The following ELOVL5 variants were observed in gnomAD, a reference collection of about 807,000 sequenced individuals.
The protein encoded by ELOVL5 is ELOVL fatty acid elongase 5.
ELOVL5 carries 8 observed loss-of-function variants against 38.6 expected under a neutral mutation model. The ratio of observed to expected loss-of-function variants is 0.21; its 90% confidence interval spans 0.12 to 0.37. The LOEUF is 0.37. Among genes scored for constraint, ELOVL5 ranks in the 10% least tolerant of loss-of-function variants. The pLI is 1.00. For synonymous variants in ELOVL5, 127 were observed against 133.7 expected (o/e 0.95, Z 0.34); for missense variants, 280 against 367.8 (o/e 0.76, Z 1.95).
intron 1 of ELOVL5, among the ~76,000 whole-genome samples, chr6:53,302,178 G>A (rs1212578513): frequency 6.6e-6 from 1 of 152,174 alleles, no homozygotes; most frequent in African/African-American, 2.4e-5. Context: ...AAGCCCTAAA[G>A]AGAGTCCTGC....
At chr6:53,286,068 C>A (rs1362966507) in intron 3 of ELOVL5, among the ~76,000 whole-genome samples, 5 of 152,128 alleles carry the variant, frequency 3.3e-5, no homozygotes, top group African/African-American at 1.2e-4. Flanking sequence ...TGATCTGCAA[C>A]TAATGCTGCA....
intron 3 of ELOVL5, among the ~76,000 whole-genome samples, chr6:53,289,016 T>C (rs962444896): frequency 5.9e-5 from 9 of 152,194 alleles, no homozygotes; most frequent in Non-Finnish European, 1.0e-4. Context: ...TGAGCACCAC[T>C]GCACTCCAGC....
chr6:53,302,180 G>A (rs1334734649), intron 1 of ELOVL5, among the ~76,000 whole-genome samples: 3 of 152,186 alleles, frequency 2.0e-5, no homozygotes, highest in African/African-American at 7.2e-5. Flanking sequence ...GCCCTAAAGA[G>A]AGTCCTGCTC....
At position 53,295,651 on chromosome 6, in the gene ELOVL5, C is replaced by G. The variant is rs1766962763; in HGVS notation, c.49G>C (p.Gly17Arg). ...CCAAAAACCACCTTACCTCGAGGGC[C>G]TAGCAATGCCTTGAAATAGGTACTA... ...SLSTYFKALL[G>R]PRDTRVKGWF... The change falls in exon 2 of 8, where the codon GGC (glycine) becomes CGC (arginine). Residue 17 changes from glycine (G) to arginine (R), a missense_variant. Gly to Arg is a moderately radical substitution (Grantham distance 125, BLOSUM62 -2). Around this residue, in one of 3 missense-constraint regions of ELOVL5, gnomAD observed 150 missense variants for 178.0 expected, o/e 0.84. Transcript: ENST00000304434. 6.2e-7 allele frequency: 1 copy of G among 1,601,322 alleles called. No homozygotes were observed.
At chr6:53,283,764 G>A (rs1766454592) in intron 3 of ELOVL5, among the ~76,000 whole-genome samples, 1 of 152,200 alleles carries the variant, frequency 6.6e-6, no homozygotes, top group African/African-American at 2.4e-5. Flanking sequence ...GACCACAGCA[G>A]ACTTCTCTGG....
chr6:53,313,494 T>C (rs1274297465), intron 1 of ELOVL5, among the ~76,000 whole-genome samples: 2 of 151,844 alleles, frequency 1.3e-5, no homozygotes, highest in African/African-American at 4.8e-5. Flanking sequence ...CTGAGTAGCT[T>C]GGGACTACAG....
intron 1 of ELOVL5, among the ~76,000 whole-genome samples, chr6:53,297,813 G>A (rs1767073224): frequency 6.6e-6 from 1 of 152,026 alleles, no homozygotes; most frequent in Non-Finnish European, 1.5e-5. Context: ...ATATTCCTAA[G>A]AAAGGCAATT....
chr6:53,307,150 A>G (rs1767613376), intron 1 of ELOVL5, among the ~76,000 whole-genome samples: 1 of 152,252 alleles, frequency 6.6e-6, no homozygotes, highest in South Asian at 2.1e-4. Flanking sequence ...GTCAAGCAGT[A>G]TTGCTTGTGA....
At chr6:53,310,552 T>C (rs1767787833) in intron 1 of ELOVL5, among the ~76,000 whole-genome samples, 1 of 152,194 alleles carries the variant, frequency 6.6e-6, no homozygotes, top group African/African-American at 2.4e-5. Context: ...CTTAAATTTG[T>C]AGTTGGTCCA....
intron 2 of ELOVL5, among the ~76,000 whole-genome samples, chr6:53,293,417 AAGCGATTCTCCTGCCTT>A (rs1766850846): frequency 6.6e-6 from 1 of 152,182 alleles, no homozygotes; most frequent in Non-Finnish European, 1.5e-5. Flanking sequence ...TCTAGGGTCC[AAGCGATTCTCCTGCCTT>A]AGCCTCCAGA....
At chr6:53,329,225 C>A (rs948249906) in intron 1 of ELOVL5, among the ~76,000 whole-genome samples, 1 of 151,840 alleles carries the variant, frequency 6.6e-6, no homozygotes, top group Non-Finnish European at 1.5e-5. Flanking sequence ...ACTGCTACTA[C>A]GAGATTACTT....
intron 4 of ELOVL5, among the ~76,000 whole-genome samples, chr6:53,275,625 GA>G (rs1766082051): frequency 6.7e-6 from 1 of 148,828 alleles, no homozygotes; most frequent in Non-Finnish European, 1.5e-5. Flanking sequence ...AAAACCATCT[GA>G]AAAACGCTAT....
intron 1 of ELOVL5, among the ~76,000 whole-genome samples, chr6:53,337,996 G>A (rs1581999033): frequency 6.6e-6 from 1 of 152,134 alleles, no homozygotes. Flanking sequence ...TCCTGACTAC[G>A]TTGGCCAACA....
At chr6:53,330,556 T>C (rs1314610241) in intron 1 of ELOVL5, among the ~76,000 whole-genome samples, 1 of 144,602 alleles carries the variant, frequency 6.9e-6, no homozygotes, top group African/African-American at 2.6e-5. Context: ...ACAGAGTCTA[T>C]GTTGCCCAGT....
At chr6:53,307,647 A>G (rs1372097166) in intron 1 of ELOVL5, among the ~76,000 whole-genome samples, 1 of 152,202 alleles carries the variant, frequency 6.6e-6, no homozygotes, top group Non-Finnish European at 1.5e-5. Flanking sequence ...TCTATTTGGC[A>G]TGGACTCACA....
chr6:53,348,394 G>T (rs1488023350), intron 1 of ELOVL5, among the ~76,000 whole-genome samples: 1 of 151,586 alleles, frequency 6.6e-6, no homozygotes, highest in Non-Finnish European at 1.5e-5. Flanking sequence ...CTCCGAGAGC[G>T]CTCCCCCGGC....
chr6:53,270,751 C>G (rs767915953), intron 6 of ELOVL5, 24 bp from the exon 7 acceptor site: 2 of 1,613,716 alleles, frequency 1.2e-6, no homozygotes, highest in Non-Finnish European at 1.7e-6. Context: ...GGGGATGCAG[C>G]TGAACAGGGA....
At chr6:53,273,367 G>A (rs947875956) in intron 5 of ELOVL5, 23 bp from the exon 6 acceptor site, 3 of 1,611,300 alleles carry the variant, frequency 1.9e-6, no homozygotes, top group Non-Finnish European at 1.7e-6. Flanking sequence ...AGGGATTTGG[G>A]AAGGAGAATG....
chr6:53,324,365 A>G (rs1271580989), intron 1 of ELOVL5, among the ~76,000 whole-genome samples: 1 of 152,112 alleles, frequency 6.6e-6, no homozygotes, highest in Non-Finnish European at 1.5e-5. Context: ...ATTTAAAAAC[A>G]TGGATTAAGT....
Sources: allele counts gnomAD v4.1 joint callset (sites outside exome capture counted in the v4.1 genomes callset), GRCh38; gene constraint gnomAD v4.1.1; regional missense constraint gnomAD v4.1.1; transcripts MANE v1.5; gene names NCBI Gene and HGNC (gene_info 2026-07-23, HGNC 2026-07-21).